The following LRP1B variants were observed in gnomAD, a reference collection of about 807,000 sequenced individuals.
The protein encoded by LRP1B is LDL receptor related protein 1B.
A neutral mutation model predicts 556.6 loss-of-function variants in LRP1B; 217 were observed. That is an observed-to-expected ratio of 0.39 (90% CI 0.35 to 0.44). The LOEUF (loss-of-function observed/expected upper bound fraction) is 0.44. Ranked by LOEUF, LRP1B falls within the 20% of genes least tolerant of loss-of-function variation. LRP1B has a pLI of 1.00. For missense variants in LRP1B, 5,053 were observed against 5,620.8 expected, an observed-to-expected ratio of 0.90 and a Z score of 3.23; for synonymous variants, 2,047 against 1,865.8, an observed-to-expected ratio of 1.10 and a Z score of -2.50.
At chr2:141,672,067 A>G (rs1690693107) in intron 2 of LRP1B, among the ~76,000 whole-genome samples, 1 of 152,010 alleles carries the variant, frequency 6.6e-6, no homozygotes, top group Non-Finnish European at 1.5e-5. Flanking sequence ...AAAGAAAAGT[A>G]TAGGGTGGGA....
chr2:140,858,708 C>T (rs1020981846), intron 27 of LRP1B, among the ~76,000 whole-genome samples: 1 of 151,934 alleles, frequency 6.6e-6, no homozygotes, highest in African/African-American at 2.4e-5. Context: ...TATCCATTAG[C>T]GATTTTTCCT....
At chr2:140,239,313 T>G (rs921689810) in intron 88 of LRP1B, 129 bp downstream of exon 88, 34 of 548,254 alleles carry the variant, frequency 6.2e-5, no homozygotes, top group Middle Eastern at 4.0e-4. Flanking sequence ...TAAAATGATT[T>G]GAAAAACATT....
At chr2:140,557,460 C>A (rs755251174) in intron 43 of LRP1B, among the ~76,000 whole-genome samples, 2 of 152,080 alleles carry the variant, frequency 1.3e-5, no homozygotes, top group East Asian at 1.9e-4. Flanking sequence ...AAAGTGGCAT[C>A]TTTCCTATAT....
chr2:141,942,187 C>T (rs1454494786), intron 1 of LRP1B, among the ~76,000 whole-genome samples: 1 of 152,008 alleles, frequency 6.6e-6, no homozygotes, highest in Non-Finnish European at 1.5e-5. Flanking sequence ...TCTCCTCAAC[C>T]AACCTCCTCA....
At chr2:141,015,937 A>T (rs2105389946) in intron 12 of LRP1B, 22 bp from the exon 13 acceptor site, 1 of 1,558,586 alleles carries the variant, frequency 6.4e-7, no homozygotes, top group African/African-American at 1.4e-5. Context: ...AAAAAACAAC[A>T]AAAATGCATA....
chr2:140,288,543 T>C (rs192657353), intron 84 of LRP1B, among the ~76,000 whole-genome samples: 1 of 151,970 alleles, frequency 6.6e-6, no homozygotes, highest in Admixed American at 6.6e-5. Context: ...AGCAACAATT[T>C]GATTTGAGGC....
intron 2 of LRP1B, among the ~76,000 whole-genome samples, chr2:141,701,864 A>G (rs556697313): frequency 4.7e-4 from 71 of 152,026 alleles, no homozygotes; most frequent in African/African-American, 1.7e-3. Context: ...TTTAGTCCTC[A>G]TTGTTTATAC....
intron 3 of LRP1B, among the ~76,000 whole-genome samples, chr2:141,438,672 A>G (rs1259815789): frequency 6.6e-6 from 1 of 152,204 alleles, no homozygotes; most frequent in Non-Finnish European, 1.5e-5. Context: ...ATAAGGCATA[A>G]GATTTATTCT....
intron 60 of LRP1B, among the ~76,000 whole-genome samples, chr2:140,469,756 A>C (rs942583437): frequency 1.3e-5 from 2 of 152,188 alleles, no homozygotes; most frequent in East Asian, 3.9e-4. Flanking sequence ...TCAATCTTCA[A>C]TTGTCTGTTC....
chr2:140,856,304 G>A (rs1316900511), intron 27 of LRP1B, among the ~76,000 whole-genome samples: 4 of 151,966 alleles, frequency 2.6e-5, no homozygotes, highest in East Asian at 1.9e-4. Flanking sequence ...TCTTTCTGCC[G>A]TAAAACATTT....
chr2:142,126,097 A>T (rs1707640864), intron 1 of LRP1B, among the ~76,000 whole-genome samples: 1 of 151,930 alleles, frequency 6.6e-6, no homozygotes, highest in African/African-American at 2.4e-5. Context: ...GCTTCAAATT[A>T]TAAGCATTGG....
chr2:140,812,656 T>C (rs1289800357), intron 32 of LRP1B, among the ~76,000 whole-genome samples: 1 of 151,436 alleles, frequency 6.6e-6, no homozygotes, highest in Non-Finnish European at 1.5e-5. Context: ...GGCTAAAAGA[T>C]TTAGAATATA....
At chr2:140,483,640 A>ATAT (rs1491228405) in intron 59 of LRP1B, among the ~76,000 whole-genome samples, 11 of 70,736 alleles carry the variant, frequency 1.6e-4, no homozygotes, top group African/African-American at 7.0e-4. Flanking sequence ...ATATATATAT[A>ATAT]TTTTTTTTTT....
intron 21 of LRP1B, among the ~76,000 whole-genome samples, chr2:140,921,846 A>G (rs1694744273): frequency 6.6e-6 from 1 of 152,052 alleles, no homozygotes; most frequent in South Asian, 2.1e-4. Flanking sequence ...AAAGAAAGAC[A>G]GTGCTTTTTT....
chr2:141,269,855 G>C (rs897025750), intron 3 of LRP1B, among the ~76,000 whole-genome samples: 1 of 151,976 alleles, frequency 6.6e-6, no homozygotes, highest in African/African-American at 2.4e-5. Flanking sequence ...CTTCAAATCA[G>C]CTATTATAAA....
chr2:141,166,704 A>G (rs1680279013), intron 7 of LRP1B, among the ~76,000 whole-genome samples: 1 of 151,754 alleles, frequency 6.6e-6, no homozygotes, highest in African/African-American at 2.4e-5. Context: ...CTTGACGATA[A>G]CATATTGTTT....
chr2:141,624,227 T>C (rs1263998921), intron 2 of LRP1B, among the ~76,000 whole-genome samples: 3 of 152,002 alleles, frequency 2.0e-5, no homozygotes, highest in Non-Finnish European at 4.4e-5. Flanking sequence ...CCAAACAAAA[T>C]TTTTATTGCA....
At chr2:141,117,614 A>C (rs1700938998) in intron 7 of LRP1B, among the ~76,000 whole-genome samples, 1 of 152,048 alleles carries the variant, frequency 6.6e-6, no homozygotes, top group African/African-American at 2.4e-5. Context: ...TGGTTAAGGA[A>C]TGTTGAGCTG....
intron 3 of LRP1B, among the ~76,000 whole-genome samples, chr2:141,290,041 C>G (rs377274322): frequency 6.6e-6 from 1 of 152,078 alleles, no homozygotes; most frequent in Non-Finnish European, 1.5e-5. Flanking sequence ...TCTCAAACTT[C>G]ACAAGTAAAG....
Sources: allele counts gnomAD v4.1 joint callset (sites outside exome capture counted in the v4.1 genomes callset), GRCh38; gene constraint gnomAD v4.1.1; transcripts MANE v1.5; gene names NCBI Gene and HGNC (gene_info 2026-07-23, HGNC 2026-07-21).